FHAD1: variants seen among roughly 807,000 people sequenced by gnomAD.
FHAD1 encodes forkhead-associated domain-containing protein 1.
A neutral mutation model predicts 191.3 loss-of-function variants in FHAD1; 146 were observed. That is an observed-to-expected ratio of 0.76 (90% CI 0.67 to 0.88). FHAD1 has a LOEUF of 0.88. Ranked by LOEUF, FHAD1 falls within the 40% of genes least tolerant of loss-of-function variation. The probability of loss-of-function intolerance (pLI) is 0.00; values close to 1 mark genes in which losing one functional copy is unlikely to be tolerated. For synonymous variants in FHAD1, 616 were observed against 672.3 expected, an observed-to-expected ratio of 0.92 and a Z score of 1.29; for missense variants, 1,635 against 1,785.8, an observed-to-expected ratio of 0.92 and a Z score of 1.52.
chr1:15,272,633 G>A, intron 3 of FHAD1, 104 bp downstream of exon 3: 2 of 1,009,684 alleles, frequency 2.0e-6, no homozygotes, highest in Non-Finnish European at 2.9e-6. Flanking sequence ...GTGCCACTGT[G>A]ATCGCACGCT....
chr1:15,266,915 G>T (rs1402717859), intron 2 of FHAD1, among the ~76,000 whole-genome samples: 2 of 152,152 alleles, frequency 1.3e-5, no homozygotes, highest in Non-Finnish European at 2.9e-5. Flanking sequence ...TGTGGCTTGA[G>T]AGCTCATTTC....
At chr1:15,366,697 CG>C (rs1181788977) in intron 24 of FHAD1, among the ~76,000 whole-genome samples, 3 of 152,178 alleles carry the variant, frequency 2.0e-5, no homozygotes, top group Non-Finnish European at 4.4e-5. Flanking sequence ...CTTCTTCCTA[CG>C]GTTGACATGG....
At chr1:15,310,563 C>T (rs1266779728) in intron 7 of FHAD1, among the ~76,000 whole-genome samples, 1 of 152,222 alleles carries the variant, frequency 6.6e-6, no homozygotes, top group Non-Finnish European at 1.5e-5. Context: ...GCTACACTCT[C>T]ACGGCCCCAA....
intron 3 of FHAD1, among the ~76,000 whole-genome samples, chr1:15,285,499 C>T (rs1468414737): frequency 1.3e-5 from 2 of 152,322 alleles, no homozygotes; most frequent in Non-Finnish European, 2.9e-5. Flanking sequence ...CGCCACTGCA[C>T]TCCAGCCTGG....
rs1658522332 is a variant in FHAD1, at chr1:15,276,758, T to C, written c.300+4229T>C. On this transcript the variant is annotated intron_variant, in intron 3 of 33. Transcript: ENST00000688493. This position sits in a 1 kb window ranked among gnomAD's most constrained non-coding sequence, Gnocchi z 4.7. ...CAGAGGTTGCAATGAGCGAAGATCA[T>C]GCCACAGCCTGGGCAACAGAGTGAG... Among the ~76,000 whole-genome samples the C allele has an allele frequency of 6.6e-6, 1 of 151,426 alleles. No individual in the cohort carries two copies. Among genetic ancestry groups the C allele is most frequent in the Admixed American group, 6.6e-5 (1 of 15,196 alleles).
chr1:15,304,137 C>T (rs1038161154), intron 6 of FHAD1, among the ~76,000 whole-genome samples: 5 of 152,232 alleles, frequency 3.3e-5, no homozygotes, highest in Non-Finnish European at 7.3e-5. Context: ...GTGTGCATAA[C>T]GATTTGCTCT....
intron 3 of FHAD1, among the ~76,000 whole-genome samples, chr1:15,285,123 C>A (rs371464510): frequency 3.5e-4 from 54 of 152,238 alleles, no homozygotes; most frequent in African/African-American, 1.2e-3. Flanking sequence ...CTTGTAGTTA[C>A]CAGCAGCAAT....
chr1:15,360,874 G>A (rs115384742), intron 22 of FHAD1, among the ~76,000 whole-genome samples, 171 bp downstream of exon 22: 154 of 152,232 alleles, frequency 1.0e-3, no homozygotes, highest in Non-Finnish European at 1.3e-3. Context: ...GAAGCCCTCC[G>A]AGGCCCAGGT....
intron 15 of FHAD1, among the ~76,000 whole-genome samples, chr1:15,340,141 T>C (rs182200979): frequency 6.6e-6 from 1 of 152,340 alleles, no homozygotes; most frequent in East Asian, 1.9e-4. Flanking sequence ...CCATCAGATT[T>C]TGAAAACTGT....
rs1217914694 is a variant in FHAD1, at chr1:15,345,130, T to G, written c.2178T>G (p.Thr726=). The change falls in exon 17 of 34, where the codon ACT becomes ACG. Residue 726 remains threonine (T), a synonymous_variant. Coordinates refer to ENST00000688493, the MANE Select transcript of FHAD1 (RefSeq NM_001391957.1). ...AAGAGAGAAACAGAGCGAAAGAGAC[T>G]TTAGAGGAAGAACGGAAGAGAATGC... is the stretch of plus-strand genomic sequence containing the variant. ...ITQERNRAKE[T]LEEERKRMQE... The G allele has an allele frequency of 1.3e-6, 2 of 1,551,596 alleles. No individual in the cohort carries two copies. The highest frequency in any genetic ancestry group is 1.7e-6 in the Non-Finnish European group (2 of 1,146,952).
chr1:15,281,927 C>T (rs1188612679), intron 3 of FHAD1, among the ~76,000 whole-genome samples: 1 of 152,078 alleles, frequency 6.6e-6, no homozygotes, highest in African/African-American at 2.4e-5. Flanking sequence ...TATATCAGTA[C>T]GGACTCCTCT....
rs1293564257 is a variant in FHAD1 at position 15,371,619 on chromosome 1, C to T, written c.3447+2117C>T. ...TTAATGCATGGCTACCCCTGTGCCC[C>T]CAAAACTCAGTATCTGCTGCCCCCT... On this transcript the variant is annotated intron_variant, in intron 26 of 33. Coordinates refer to ENST00000688493, the MANE Select transcript of FHAD1 (RefSeq NM_001391957.1). 5.3e-5 allele frequency among the ~76,000 whole-genome samples: 8 copies of T among 152,186 alleles called. No homozygotes were observed. In the East Asian group the frequency reaches 5.8e-4, roughly 11 times the overall value.
chr1:15,294,927 A>G (rs1666417589), intron 4 of FHAD1, among the ~76,000 whole-genome samples: 1 of 152,178 alleles, frequency 6.6e-6, no homozygotes, highest in Non-Finnish European at 1.5e-5. Flanking sequence ...GGCAAAGCTC[A>G]TACAGGTGAG....
At chr1:15,398,394 C>T (rs555755229), downstream of FHAD1, among the ~76,000 whole-genome samples, 26 of 152,096 alleles carry the variant, frequency 1.7e-4, no homozygotes, top group Non-Finnish European at 3.5e-4. Context: ...AAACACATCT[C>T]ATTTAATCCT....
chr1:15,387,933 C>T (rs1702571537), intron 31 of FHAD1, 118 bp from the exon 32 acceptor site: 1 of 422,408 alleles, frequency 2.4e-6, no homozygotes. Flanking sequence ...ATCTTCTGCC[C>T]ACCTATCTCA....
chr1:15,383,979 C>T (rs777511318), intron 31 of FHAD1: 5 of 350,304 alleles, frequency 1.4e-5, no homozygotes, highest in Admixed American at 3.3e-5. Flanking sequence ...TGTGCATTCT[C>T]GTGTGTGTGT....
intron 32 of FHAD1, among the ~76,000 whole-genome samples, chr1:15,388,831 G>A (rs569409143): frequency 5.1e-4 from 77 of 152,312 alleles, no homozygotes; most frequent in African/African-American, 1.8e-3. Flanking sequence ...GGTGTGTGAC[G>A]TAAAGAGCAG....
At chr1:15,247,743 C>G (rs1257070138) in intron 1 of FHAD1, among the ~76,000 whole-genome samples, 1 of 152,144 alleles carries the variant, frequency 6.6e-6, no homozygotes, top group African/African-American at 2.4e-5. Context: ...AGACTCCCCC[C>G]TTGCCTAACC....
chr1:15,343,413 T>G (rs926023641), intron 16 of FHAD1, among the ~76,000 whole-genome samples: 2 of 148,732 alleles, frequency 1.3e-5, no homozygotes, highest in African/African-American at 5.0e-5. Flanking sequence ...TTCCCAGATA[T>G]CTCCTCTCTT....
Sources: gnomAD v4.1 joint callset for allele counts (sites outside exome capture counted in the v4.1 genomes callset) on GRCh38, gnomAD v4.1.1 for gene constraint, Gnocchi (gnomAD v3.1) non-coding constraint, MANE v1.5 for transcripts, NCBI Gene and HGNC (gene_info 2026-07-23, HGNC 2026-07-21) for gene names.